Variants in ADAMTS6 observed in about 807,000 individuals in gnomAD.
The protein encoded by ADAMTS6 is A disintegrin and metalloproteinase with thrombospondin motifs 6.
ADAMTS6 carries 23 observed loss-of-function variants against 144.3 expected under a neutral mutation model. That is an observed-to-expected ratio of 0.16 (90% CI 0.11 to 0.23). ADAMTS6 has a LOEUF of 0.23. Among genes scored for constraint, ADAMTS6 ranks in the 10% least tolerant of loss-of-function variants. The probability of loss-of-function intolerance (pLI) is 1.00; values close to 1 mark genes in which losing one functional copy is unlikely to be tolerated. For synonymous variants in ADAMTS6, 444 were observed against 457.5 expected (o/e 0.97, Z 0.38); for missense variants, 999 against 1,379.6 (o/e 0.72, Z 4.37).
intron 24 of ADAMTS6, 41 bp downstream of exon 24, chr5:65,170,576 G>T: frequency 6.2e-7 from 1 of 1,605,738 alleles, no homozygotes; most frequent in Non-Finnish European, 8.5e-7. Context: ...GTAAAGGTGG[G>T]TCATTAGAAA....
intron 7 of ADAMTS6, among the ~76,000 whole-genome samples, chr5:65,407,889 G>A (rs1304260488): frequency 1.3e-5 from 2 of 152,066 alleles, no homozygotes; most frequent in Non-Finnish European, 2.9e-5. Context: ...TTCATATCCA[G>A]CCAAACTAAG....
intron 1 of ADAMTS6, among the ~76,000 whole-genome samples, chr5:65,480,320 G>A (rs1292159981): frequency 9.2e-6 from 1 of 108,908 alleles, no homozygotes; most frequent in African/African-American, 3.6e-5. Flanking sequence ...ACCTCCCCCC[G>A]CCCCCACCAT....
At chr5:65,437,288 G>T (rs1198600360) in intron 7 of ADAMTS6, among the ~76,000 whole-genome samples, 1 of 151,938 alleles carries the variant, frequency 6.6e-6, no homozygotes, top group Non-Finnish European at 1.5e-5. Context: ...TAGAGACAGG[G>T]TCTCACCACG....
chr5:65,219,783 C>G (rs947077058), intron 18 of ADAMTS6, among the ~76,000 whole-genome samples: 3 of 152,128 alleles, frequency 2.0e-5, no homozygotes, highest in African/African-American at 7.2e-5. Context: ...GAAGATGTAA[C>G]AATCATAAAT....
rs1441757948 is a variant in ADAMTS6 at position 65,265,986 on chromosome 5, A to T, written c.1621-3024T>A. Among the ~76,000 whole-genome samples, 7 of 152,030 alleles carry T rather than the reference A, an allele frequency of 4.6e-5. No individual in the cohort carries two copies. In the East Asian group the frequency reaches 1.3e-3, roughly 29 times the overall value. The stretch of plus-strand genomic sequence containing the variant: ...ATAACTACATAAAATACAAAATAAT[A>T]CTAGAGTTTTTTTTTTAAACACAGC... On this transcript the variant is annotated intron_variant, in intron 12 of 24. Transcript: ENST00000381055.
intron 7 of ADAMTS6, among the ~76,000 whole-genome samples, chr5:65,374,898 G>C (rs1476087693): frequency 1.3e-5 from 2 of 152,108 alleles, no homozygotes; most frequent in Non-Finnish European, 2.9e-5. Context: ...CATGGCACTG[G>C]TACCAAAACA....
intron 7 of ADAMTS6, among the ~76,000 whole-genome samples, chr5:65,367,188 C>T (rs772384808): frequency 1.3e-5 from 2 of 152,206 alleles, no homozygotes; most frequent in Admixed American, 6.5e-5. Flanking sequence ...ATTCGGCATA[C>T]ACAGGATGCT....
chr5:65,182,482 A>G (rs1400166898), intron 22 of ADAMTS6, among the ~76,000 whole-genome samples: 1 of 151,500 alleles, frequency 6.6e-6, no homozygotes, highest in Non-Finnish European at 1.5e-5. Flanking sequence ...GAGAAGACAT[A>G]GCAGCACAAT....
At chr5:65,371,004 G>A (rs1404523436) in intron 7 of ADAMTS6, among the ~76,000 whole-genome samples, 1 of 152,142 alleles carries the variant, frequency 6.6e-6, no homozygotes, top group African/African-American at 2.4e-5. Context: ...GCACCCCCCA[G>A]CAGGGGCACA....
intron 18 of ADAMTS6, 144 bp downstream of exon 18, chr5:65,224,176 G>A (rs1403895425): frequency 3.0e-6 from 2 of 657,816 alleles, no homozygotes; most frequent in Non-Finnish European, 5.3e-6. Flanking sequence ...CATTGTATAT[G>A]TGTTCTATAA....
intron 7 of ADAMTS6, among the ~76,000 whole-genome samples, chr5:65,340,819 A>T (rs1353224327): frequency 6.6e-6 from 1 of 152,112 alleles, no homozygotes; most frequent in East Asian, 1.9e-4. Flanking sequence ...ACAAACTTGA[A>T]ATTAAAAGCT....
intron 7 of ADAMTS6, among the ~76,000 whole-genome samples, chr5:65,425,318 G>A (rs2150206255): frequency 6.6e-6 from 1 of 152,288 alleles, no homozygotes; most frequent in South Asian, 2.1e-4. Flanking sequence ...GTGAGCCACT[G>A]TGCCCGGCCA....
intron 3 of ADAMTS6, among the ~76,000 whole-genome samples, chr5:65,462,456 T>C (rs1759698286): frequency 6.6e-6 from 1 of 152,238 alleles, no homozygotes; most frequent in Non-Finnish European, 1.5e-5. Flanking sequence ...AGAGATTTTA[T>C]ATGTTAGGTA....
At position 65,473,940 on chromosome 5, in the gene ADAMTS6, G is replaced by A; in HGVS notation, c.-267C>T. On this transcript the variant is annotated 5_prime_UTR_variant, in exon 2 of 25. Coordinates refer to ENST00000381055, the MANE Select transcript of ADAMTS6 (RefSeq NM_197941.4). ...TAGGCTGATTAGTTACTAAAGTATG[G>A]CCATTTTTTAACCTAGAAAAAAAAA... The A allele has an allele frequency of 2.3e-6, 1 of 432,736 alleles. No individual in the cohort carries two copies. 26.8% of individuals were successfully genotyped at this position (432,736 alleles called of 1,614,324 possible).
intron 9 of ADAMTS6, among the ~76,000 whole-genome samples, chr5:65,308,075 A>G (rs1744111380): frequency 6.6e-6 from 1 of 152,222 alleles, no homozygotes; most frequent in Non-Finnish European, 1.5e-5. Flanking sequence ...ATTGGATATA[A>G]TGTGCTTAGT....
intron 20 of ADAMTS6, among the ~76,000 whole-genome samples, chr5:65,203,045 AC>A (rs1755841420): frequency 6.6e-6 from 1 of 152,060 alleles, no homozygotes; most frequent in Admixed American, 6.5e-5. Context: ...TCTGTATTCT[AC>A]AGAGTAAGTC....
intron 7 of ADAMTS6, among the ~76,000 whole-genome samples, chr5:65,438,713 G>C (rs1230368930): frequency 6.6e-6 from 1 of 152,140 alleles, no homozygotes; most frequent in Non-Finnish European, 1.5e-5. Context: ...TGCAGATATA[G>C]TATGTACTTT....
chr5:65,400,324 C>T (rs918505162), intron 7 of ADAMTS6, among the ~76,000 whole-genome samples: 1 of 152,144 alleles, frequency 6.6e-6, no homozygotes, highest in Non-Finnish European at 1.5e-5. Flanking sequence ...AATCCTCCTA[C>T]CTTTGCCTCC....
At position 65,157,861 on chromosome 5, in the gene ADAMTS6, C is replaced by T. The variant is rs559186445; in HGVS notation, c.3245-5916G>A. On this transcript the variant is annotated intron_variant, in intron 24 of 24. Coordinates refer to ENST00000381055, the MANE Select transcript of ADAMTS6 (RefSeq NM_197941.4). Reference sequence around the variant, plus strand: ...TGGCAACTTTTGCTTGGGAACCTAACATTATTCATTGTAACAGAACAGTAC... The same window carrying T: ...TGGCAACTTTTGCTTGGGAACCTAATATTATTCATTGTAACAGAACAGTAC... 2.6e-5 allele frequency among the ~76,000 whole-genome samples: 4 copies of T among 152,290 alleles called. 1 individual carries two copies. In the South Asian group the frequency reaches 8.3e-4, roughly 32 times the overall value.
Sources: allele counts gnomAD v4.1 joint callset (sites outside exome capture counted in the v4.1 genomes callset), GRCh38; gene constraint gnomAD v4.1.1; transcripts MANE v1.5; gene names NCBI Gene and HGNC (gene_info 2026-07-23, HGNC 2026-07-21).